The following PREP variants were observed in gnomAD, a reference collection of about 807,000 sequenced individuals.
PREP encodes prolyl endopeptidase.
PREP carries 29 observed loss-of-function variants against 87.6 expected under a neutral mutation model. The observed-to-expected ratio is 0.33, with a 90% CI of 0.25 to 0.45. The LOEUF (loss-of-function observed/expected upper bound fraction) is 0.45. Ranked by LOEUF, PREP falls within the 20% of genes least tolerant of loss-of-function variation. PREP has a pLI of 1.00. For missense variants in PREP, 695 were observed against 886.5 expected (o/e 0.78, Z 2.74); for synonymous variants, 337 against 328.6 (o/e 1.03, Z -0.28).
chr6:105,297,439 A>G (rs149050998), intron 10 of PREP, among the ~76,000 whole-genome samples: 159 of 152,348 alleles, frequency 1.0e-3, no homozygotes, highest in African/African-American at 3.7e-3. Context: ...CAAAGCTTAA[A>G]TGCACGTGTT....
chr6:105,359,632 A>C (rs571762092), intron 6 of PREP, among the ~76,000 whole-genome samples: 1 of 152,206 alleles, frequency 6.6e-6, no homozygotes, highest in South Asian at 2.1e-4. Context: ...CTCCCAGCTG[A>C]TGGGTGTTGG....
chr6:105,332,722 G>A (rs1771369445), intron 8 of PREP, among the ~76,000 whole-genome samples: 1 of 152,066 alleles, frequency 6.6e-6, no homozygotes, highest in Non-Finnish European at 1.5e-5. Flanking sequence ...TATCATTTTT[G>A]GAAAAATCAC....
In PREP at chr6:105,278,369, G is replaced by T. The variant is rs761426091; in HGVS notation, c.1908C>A (p.Leu636=). 6.2e-7 allele frequency: 1 copy of T among 1,614,078 alleles called. No individual in the cohort carries two copies. The highest frequency in any genetic ancestry group is 1.3e-5 in the African/African-American group (1 of 74,946). ...CCACGCGGTCATCATGGTCAGCAGT[G>T]AGGAGCAGCATGGACGGGTACTGGA... ...DDIQYPSMLL[L]TADHDDRVVP... is the part of the protein sequence containing the mutation. Residue 636 remains leucine (L), a synonymous_variant, in exon 15 of 15, where the codon CTC becomes CTA. Coordinates refer to ENST00000652536, the MANE Select transcript of PREP (RefSeq NM_002726.5). This position sits in a 1 kb window ranked among gnomAD's most constrained non-coding sequence, Gnocchi z 4.2.
chr6:105,396,077 C>T (rs550382496), intron 2 of PREP, among the ~76,000 whole-genome samples: 1 of 152,322 alleles, frequency 6.6e-6, no homozygotes, highest in Non-Finnish European at 1.5e-5. Flanking sequence ...TTCACCATTC[C>T]TAAAGATACT....
At chr6:105,351,117 C>T (rs555828987) in intron 7 of PREP, among the ~76,000 whole-genome samples, 2 of 152,236 alleles carry the variant, frequency 1.3e-5, no homozygotes, top group East Asian at 1.9e-4. Flanking sequence ...TAGTATGCCT[C>T]GTTAATCAAT....
chr6:105,382,665 G>A (rs1023686456), intron 2 of PREP, among the ~76,000 whole-genome samples: 2 of 148,800 alleles, frequency 1.3e-5, no homozygotes, highest in African/African-American at 4.9e-5. Flanking sequence ...GAAAGATAAA[G>A]ATATGTGCTA....
chr6:105,331,797 A>G (rs1019802418), intron 8 of PREP, among the ~76,000 whole-genome samples: 1 of 152,206 alleles, frequency 6.6e-6, no homozygotes, highest in Non-Finnish European at 1.5e-5. Flanking sequence ...AAGGGTCAGA[A>G]TGTGAACAGA....
chr6:105,390,554 G>C (rs1773114100), intron 2 of PREP, among the ~76,000 whole-genome samples: 1 of 152,150 alleles, frequency 6.6e-6, no homozygotes, highest in Non-Finnish European at 1.5e-5. Context: ...CTGACAATCA[G>C]TTACAGTTAA....
intron 10 of PREP, among the ~76,000 whole-genome samples, chr6:105,321,873 C>T (rs1245317701): frequency 6.6e-6 from 1 of 152,116 alleles, no homozygotes. Context: ...CTCTCTCGTG[C>T]AACCCTACCC....
chr6:105,345,280 C>G (rs1771767265), intron 7 of PREP, among the ~76,000 whole-genome samples: 1 of 152,150 alleles, frequency 6.6e-6, no homozygotes. Flanking sequence ...TGCCTACCTT[C>G]TCTGAGGTTC....
At chr6:105,365,463 T>C (rs1772362035) in intron 6 of PREP, among the ~76,000 whole-genome samples, 2 of 152,112 alleles carry the variant, frequency 1.3e-5, no homozygotes, top group Non-Finnish European at 2.9e-5. Context: ...TGATCCAGAT[T>C]TTTCTGAGTG....
chr6:105,362,085 A>G (rs1772262560), intron 6 of PREP, among the ~76,000 whole-genome samples: 1 of 152,256 alleles, frequency 6.6e-6, no homozygotes, highest in South Asian at 2.1e-4. Context: ...AATAAAATAA[A>G]TAATGTAGGA....
chr6:105,273,719 A>C lies in PREP; in HGVS notation c.*4425T>G, dbSNP rs1562181889. 6.6e-6 allele frequency: 1 copy of C among 151,874 alleles called. No homozygotes were observed. The highest frequency in any genetic ancestry group is 1.5e-5 in the Non-Finnish European group (1 of 68,100). The allele number at this position is 151,874 out of a possible 1,614,324, so 9.4% of individuals were successfully genotyped here. Reference sequence around the variant, plus strand: ...GTTTCCCACAGTGTTGTCGGCTTTCATCTCTCAGTGGCTTCACCTGACTGA... The same window carrying C: ...GTTTCCCACAGTGTTGTCGGCTTTCCTCTCTCAGTGGCTTCACCTGACTGA... On this transcript the variant is annotated 3_prime_UTR_variant, in exon 15 of 15. Coordinates refer to ENST00000652536, the MANE Select transcript of PREP (RefSeq NM_002726.5).
rs72939772 is a variant in PREP, at chr6:105,396,602, C to T, written c.120+1251G>A. 1.8e-4 allele frequency among the ~76,000 whole-genome samples: 27 copies of T among 152,016 alleles called. No homozygotes were observed. The South Asian group carries it at 2.5e-3, about 14-fold the overall frequency. On this transcript the variant is annotated intron_variant, in intron 2 of 14. Transcript: ENST00000652536. ...GGTCTCCAGAGAACACTGGTATATACGGTGGAAAGGGACTGCAAGAAACAG... is the reference window on the plus strand; with the variant it reads ...GGTCTCCAGAGAACACTGGTATATATGGTGGAAAGGGACTGCAAGAAACAG...
Position 105,278,438 on chromosome 6 carries a change from T to A in PREP, c.1839A>T (p.Lys613Asn), listed in dbSNP as rs766133270. 3 of 1,606,044 alleles carry A rather than the reference T, an allele frequency of 1.9e-6. No individual in the cohort carries two copies. In the East Asian group the frequency reaches 6.7e-5, roughly 36 times the overall value. The change falls in exon 15 of 15, where the codon AAA (lysine) becomes AAT (asparagine). Residue 613 changes from lysine to asparagine, a missense_variant and splice_region_variant. By Grantham distance (94) the Lys-to-Asn change is moderately conservative. Transcript: ENST00000652536. The surrounding 1 kb of genome is among the most constrained non-coding windows in gnomAD (Gnocchi z 4.2). The part of the protein sequence containing the change: ...DSKQHFEWLV[K>N]YSPLHNVKLP... ...ACTTCACATTATGCAATGGAGAGTA[T>A]CTGGAAGGCAAAAACACCTTTGTGA...
Position 105,379,369 on chromosome 6 carries a change from C to G in PREP, c.121-1850G>C, listed in dbSNP as rs191503587. On this transcript the variant is annotated intron_variant, in intron 2 of 14. Transcript: ENST00000652536. ...CTGCACTTTCCCTCATTAAAAACATCAAGGAGGAAATTGGATTTTGCTTTT... is the reference window on the plus strand; with the variant it reads ...CTGCACTTTCCCTCATTAAAAACATGAAGGAGGAAATTGGATTTTGCTTTT... Among the ~76,000 whole-genome samples the G allele has an allele frequency of 9.3e-4, 141 of 152,254 alleles. 1 individual carries two copies. The highest frequency in any genetic ancestry group is 2.7e-3 in the Admixed American group (41 of 15,288).
chr6:105,402,459 C>A (rs1249473931), intron 1 of PREP, among the ~76,000 whole-genome samples: 17 of 151,310 alleles, frequency 1.1e-4, no homozygotes, highest in Non-Finnish European at 2.9e-5. Context: ...AACACACACA[C>A]ACACCCCAGC....
intron 6 of PREP, among the ~76,000 whole-genome samples, chr6:105,359,041 T>C (rs995596986): frequency 6.6e-6 from 1 of 152,148 alleles, no homozygotes; most frequent in Non-Finnish European, 1.5e-5. Context: ...CCCAGCCAAA[T>C]TCTCACCTCC....
At chr6:105,353,150 G>A in intron 6 of PREP, 73 bp from the exon 7 acceptor site, 1 of 1,246,294 alleles carries the variant, frequency 8.0e-7, no homozygotes. Flanking sequence ...TGAATATTAA[G>A]TTAAAAAATT....
Sources: allele counts gnomAD v4.1 joint callset (sites outside exome capture counted in the v4.1 genomes callset), GRCh38; gene constraint gnomAD v4.1.1; non-coding constraint Gnocchi (gnomAD v3.1); transcripts MANE v1.5; gene names NCBI Gene and HGNC (gene_info 2026-07-23, HGNC 2026-07-21).